MET: variants seen among roughly 807,000 people sequenced by gnomAD.
The protein encoded by MET is MET proto-oncogene, receptor tyrosine kinase, also known as hepatocyte growth factor receptor.
A neutral mutation model predicts 133.1 loss-of-function variants in MET; 48 were observed. That is an observed-to-expected ratio of 0.36 (90% CI 0.29 to 0.46). The LOEUF is 0.46. MET is among the 20% of genes least tolerant of loss of function. The pLI, the probability that MET is intolerant of heterozygous loss-of-function variation, is 1.00. For missense variants in MET, 1,442 were observed against 1,695.9 expected (o/e 0.85, Z 2.63); for synonymous variants, 628 against 616.5 (o/e 1.02, Z -0.28).
At chr7:116,687,362 A>G (rs995696658) in intron 1 of MET, among the ~76,000 whole-genome samples, 1 of 152,210 alleles carries the variant, frequency 6.6e-6, no homozygotes, top group African/African-American at 2.4e-5. Context: ...TTTTATGAGA[A>G]TCTATTTGCT....
intron 2 of MET, among the ~76,000 whole-genome samples, chr7:116,730,168 G>A (rs1017778524): frequency 6.6e-6 from 1 of 152,202 alleles, no homozygotes; most frequent in Non-Finnish European, 1.5e-5. Context: ...AGATCTGAAG[G>A]AGATGTAGGA....
chr7:116,751,580 G>C (rs751389705), intron 5 of MET, among the ~76,000 whole-genome samples: 2 of 152,156 alleles, frequency 1.3e-5, no homozygotes, highest in Non-Finnish European at 2.9e-5. Flanking sequence ...CAAGGTACAT[G>C]ATGTTCAGTG....
At chr7:116,696,236 C>A (rs1796962783) in intron 1 of MET, among the ~76,000 whole-genome samples, 1 of 152,096 alleles carries the variant, frequency 6.6e-6, no homozygotes, top group Non-Finnish European at 1.5e-5. Context: ...AGTTGGTCTC[C>A]CTTCCTCTGC....
In MET at chr7:116,796,855, G is replaced by T. The variant is rs1184278682; in HGVS notation, c.*731G>T. 5.6e-6 allele frequency: 1 copy of T among 177,102 alleles called. No individual in the cohort carries two copies. The highest frequency in any genetic ancestry group is 2.4e-5 in the African/African-American group (1 of 42,214). The allele number at this position is 177,102 out of a possible 1,614,324, so 11.0% of individuals were successfully genotyped here. ...GCTGGTTTCAAACTCCTGGACTCAAGAAATCCACCCACCTCAGCCTCCCAA... is the reference window on the plus strand; with the variant it reads ...GCTGGTTTCAAACTCCTGGACTCAATAAATCCACCCACCTCAGCCTCCCAA... On this transcript the variant is annotated 3_prime_UTR_variant, in exon 21 of 21. Coordinates refer to ENST00000397752, the MANE Select transcript of MET (RefSeq NM_000245.4).
chr7:116,712,073 C>T (rs114822722), intron 2 of MET, among the ~76,000 whole-genome samples: 1 of 152,310 alleles, frequency 6.6e-6, no homozygotes, highest in African/African-American at 2.4e-5. Flanking sequence ...GCACTGCCAC[C>T]CTGTCCTACA....
chr7:116,780,635 A>T (rs987437769), intron 17 of MET, among the ~76,000 whole-genome samples: 2 of 152,192 alleles, frequency 1.3e-5, no homozygotes, highest in Non-Finnish European at 2.9e-5. Flanking sequence ...CAAGGAGCTG[A>T]TACTGAGAGC....
chr7:116,713,124 G>C (rs762997935), intron 2 of MET, among the ~76,000 whole-genome samples: 2 of 152,148 alleles, frequency 1.3e-5, no homozygotes, highest in African/African-American at 4.8e-5. Context: ...GGCCGGGCGC[G>C]GTGGCTCACG....
At chr7:116,735,350 T>C (rs924136556) in intron 3 of MET, among the ~76,000 whole-genome samples, 2 of 152,190 alleles carry the variant, frequency 1.3e-5, no homozygotes, top group African/African-American at 4.8e-5. Context: ...TAAAAAGATG[T>C]CCCATGTTCA....
intron 2 of MET, among the ~76,000 whole-genome samples, chr7:116,704,015 A>G (rs1475982538): frequency 1.3e-5 from 2 of 152,234 alleles, no homozygotes; most frequent in East Asian, 3.9e-4. Context: ...CAACATCTTG[A>G]TGACCTTAAT....
chr7:116,762,313 G>A (rs889669736), intron 10 of MET, among the ~76,000 whole-genome samples: 13 of 152,176 alleles, frequency 8.5e-5, no homozygotes, highest in African/African-American at 2.9e-4. Flanking sequence ...ACTCCAAGCT[G>A]TGTGACCTGG....
chr7:116,679,499 C>T (rs191481021), intron 1 of MET, among the ~76,000 whole-genome samples: 1 of 152,280 alleles, frequency 6.6e-6, no homozygotes, highest in East Asian at 1.9e-4. Flanking sequence ...GATTTTCCCC[C>T]TTTTACTATT....
chr7:116,702,802 G>T (rs568157672), intron 2 of MET, among the ~76,000 whole-genome samples: 29 of 152,266 alleles, frequency 1.9e-4, no homozygotes, highest in Non-Finnish European at 3.2e-4. Context: ...TTGACACATT[G>T]CTGAAAGAGG....
chr7:116,723,589 T>C (rs1368132939), intron 2 of MET, among the ~76,000 whole-genome samples: 24 of 152,168 alleles, frequency 1.6e-4, no homozygotes, highest in Admixed American at 1.6e-3. Context: ...TTTTCTGTTC[T>C]GTTTTTTTCC....
In MET at chr7:116,700,208, A is replaced by G. The variant is rs33917957; in HGVS notation, c.1124A>G (p.Asn375Ser). ...ATCAAATATGTCAACGACTTCTTCA[A>G]CAAGATCGTCAACAAAAACAATGTG... The part of the protein sequence containing the change: ...FPIKYVNDFF[N>S]KIVNKNNVRC... Residue 375 changes from asparagine (N) to serine (S), a missense_variant, in exon 2 of 21, where the codon AAC becomes AGC. This residue lies in a region of MET where 762 missense variants were observed against 792.4 expected (regional missense o/e 0.96). Transcript: ENST00000397752. 35,053 of 1,594,672 alleles carry G rather than the reference A, an allele frequency of 0.022. 630 individuals carry two copies. Among genetic ancestry groups the G allele is most frequent in the South Asian group, 0.069 (5,996 of 86,332 alleles).
intron 1 of MET, among the ~76,000 whole-genome samples, chr7:116,681,391 A>G (rs1796353558): frequency 6.6e-6 from 1 of 152,106 alleles, no homozygotes; most frequent in African/African-American, 2.4e-5. Flanking sequence ...TATAATCTAT[A>G]AATTCCTGTT....
chr7:116,798,365 T>C lies in MET; in HGVS notation c.*2241T>C, dbSNP rs1425183711. On this transcript the variant is annotated 3_prime_UTR_variant, in exon 21 of 21. Transcript: ENST00000397752. ...GTTCTGATAAATCATGCAATTAAAG[T>C]AAAGTGATGCAACATCTTGTATACT... is the stretch of plus-strand genomic sequence containing the variant. 2.1e-5 allele frequency: 4 copies of C among 186,624 alleles called. No individual in the cohort carries two copies. In the South Asian group the frequency reaches 5.9e-4, roughly 27 times the overall value. The allele number at this position is 186,624 out of a possible 1,614,324, so 11.6% of individuals were successfully genotyped here.
chr7:116,793,545 T>C (rs1453851167), intron 19 of MET, among the ~76,000 whole-genome samples: 1 of 151,974 alleles, frequency 6.6e-6, no homozygotes, highest in Non-Finnish European at 1.5e-5. Context: ...GGGTCCCTAA[T>C]CCCTTCCCCT....
intron 5 of MET, among the ~76,000 whole-genome samples, chr7:116,752,700 T>A (rs1412842857): frequency 1.3e-5 from 2 of 152,224 alleles, no homozygotes; most frequent in Non-Finnish European, 2.9e-5. Context: ...AGTGCCCCAG[T>A]TGCGCAGCTC....
chr7:116,681,005 C>T (rs1304765992), intron 1 of MET, among the ~76,000 whole-genome samples: 1 of 151,940 alleles, frequency 6.6e-6, no homozygotes, highest in Non-Finnish European at 1.5e-5. Flanking sequence ...GTACCTTTAC[C>T]ATTTTCCCAC....
Sources: allele counts gnomAD v4.1 joint callset (sites outside exome capture counted in the v4.1 genomes callset), GRCh38; gene constraint gnomAD v4.1.1; regional missense constraint gnomAD v4.1.1; transcripts MANE v1.5; gene names NCBI Gene and HGNC (gene_info 2026-07-23, HGNC 2026-07-21).